Variants in TSPAN4 observed in about 807,000 individuals in gnomAD.
TSPAN4 encodes tetraspanin 4, also known as tetraspanin-4.
A neutral mutation model predicts 31.5 loss-of-function variants in TSPAN4; 38 were observed. The observed-to-expected ratio is 1.21, with a 90% CI of 0.93 to 1.58. The LOEUF (loss-of-function observed/expected upper bound fraction) is 1.58. TSPAN4 is among the 40% of genes most tolerant of loss of function. TSPAN4 has a pLI of 0.00. For missense variants in TSPAN4, 330 were observed against 317.3 expected, an observed-to-expected ratio of 1.04 and a Z score of -0.30; for synonymous variants, 186 against 144.6, an observed-to-expected ratio of 1.29 and a Z score of -2.06.
chr11:862,955 G>T, intron 4 of TSPAN4: 1 of 577,454 alleles, frequency 1.7e-6, no homozygotes, highest in Non-Finnish European at 3.0e-6. Flanking sequence ...GCGGTGTGGG[G>T]GTCACTCAAG....
In TSPAN4 at chr11:865,614, C is replaced by G. The variant is rs191138585; in HGVS notation, c.432C>G (p.Asp144Glu). 2 of 1,612,742 alleles carry G rather than the reference C, an allele frequency of 1.2e-6. No individual in the cohort carries two copies. Among genetic ancestry groups the G allele is most frequent in the Non-Finnish European group, 1.7e-6 (2 of 1,179,874 alleles). The change falls in exon 6 of 9, where the codon GAC becomes GAG. Residue 144 changes from aspartate (D) to glutamate (E), a missense_variant and splice_region_variant. Physicochemically the swap from Asp to Glu is conservative, Grantham distance 45 (BLOSUM62 2). Transcript: ENST00000397397. ...ACGCCTGGAGCATCATCCAGACCGACGTGAGGCGTGGGCAGGTGGGCGGGG... is the reference window on the plus strand; with the variant it reads ...ACGCCTGGAGCATCATCCAGACCGAGGTGAGGCGTGGGCAGGTGGGCGGGG... The part of the protein sequence containing the change: ...LTNAWSIIQT[D>E]FRCCGVSNYT...
intron 3 of TSPAN4, among the ~76,000 whole-genome samples, chr11:852,061 C>T (rs1322650887): frequency 6.6e-6 from 1 of 152,156 alleles, no homozygotes; most frequent in Non-Finnish European, 1.5e-5. Context: ...CCATCCTCAA[C>T]CTGGGAAAGA....
intron 4 of TSPAN4, chr11:863,677 C>G (rs1848602002): frequency 6.6e-6 from 1 of 152,480 alleles, no homozygotes. Context: ...GGACCAGAAC[C>G]CTGGGTACCT....
At position 852,866 on chromosome 11, in the gene TSPAN4, C is replaced by A. The variant is rs182952037; in HGVS notation, c.63+2499C>A. On this transcript the variant is annotated intron_variant, in intron 3 of 8. Transcript: ENST00000397397. ...GGTGGTGGGAGGGACGTCCCCCCGG[C>A]GGGACCTCAAGATCCCCGCGTGTGT... is the stretch of plus-strand genomic sequence containing the variant. Among the ~76,000 whole-genome samples, 981 of 150,042 alleles carry A rather than the reference C, an allele frequency of 6.5e-3. 9 individuals carry two copies. Among genetic ancestry groups the A allele is most frequent in the Non-Finnish European group, 9.9e-3 (667 of 67,478 alleles).
At chr11:855,137 C>T (rs772925305) in intron 3 of TSPAN4, among the ~76,000 whole-genome samples, 4 of 152,122 alleles carry the variant, frequency 2.6e-5, no homozygotes, top group African/African-American at 7.2e-5. Context: ...CCTGGCTCCA[C>T]GGGGCCTCTG....
chr11:865,848 G>C (rs776887781), intron 7 of TSPAN4, 23 bp downstream of exon 7: 23 of 1,612,302 alleles, frequency 1.4e-5, no homozygotes, highest in Admixed American at 1.0e-4. Context: ...CCCACCCTGG[G>C]GGCTGGTAGG....
At chr11:864,587 C>CGGTGTGGA in intron 5 of TSPAN4, 76 bp downstream of exon 5, 1 of 1,569,894 alleles carries the variant, frequency 6.4e-7, no homozygotes, top group East Asian at 2.2e-5. Context: ...ACTGTGGGCC[C>CGGTGTGGA]GGTGTGGACA....
At position 848,989 on chromosome 11, in the gene TSPAN4, C is replaced by T. The variant is rs773971004; in HGVS notation, c.-17-1299C>T. On this transcript the variant is annotated intron_variant, in intron 2 of 8. Coordinates refer to ENST00000397397, the MANE Select transcript of TSPAN4 (RefSeq NM_003271.5). The surrounding 1 kb of genome is among the most constrained non-coding windows in gnomAD (Gnocchi z 5.7). The stretch of plus-strand genomic sequence containing the variant: ...GGGTCTTTTACAGGCTGACTTCCAG[C>T]CTGGGCTGGAGCAAAATGAAATTCT... 13 of 629,370 alleles carry T rather than the reference C, an allele frequency of 2.1e-5. No individual in the cohort carries two copies. Among genetic ancestry groups the T allele is most frequent in the Non-Finnish European group, 3.5e-5 (12 of 342,558 alleles). The allele number at this position is 629,370 out of a possible 1,614,324, so 39.0% of individuals were successfully genotyped here. A position where few individuals can be genotyped will look rare whatever the true frequency, so the allele number is the denominator to read the frequency against.
chr11:843,499 C>T (rs1847094951), intron 1 of TSPAN4: 2 of 152,218 alleles, frequency 1.3e-5, no homozygotes, highest in African/African-American at 2.4e-5. Flanking sequence ...ACAGGGGATC[C>T]CTGGGCAGAC....
chr11:861,580 C>T (rs866765932), intron 3 of TSPAN4, among the ~76,000 whole-genome samples: 22 of 152,128 alleles, frequency 1.4e-4, no homozygotes, highest in Middle Eastern at 3.4e-3. Flanking sequence ...GGCGTGGTGG[C>T]GGGCGCCTGT....
chr11:864,185 G>A lies in TSPAN4; in HGVS notation c.256-252G>A, dbSNP rs1205042921. On this transcript the variant is annotated intron_variant, in intron 4 of 8. Transcript: ENST00000397397. Reference sequence around the variant, plus strand: ...GGTTGCCCCAGGGATGGGGGCAGGGGAGGGGAGCCCAGGCCAGCCCAGGGC... The same window carrying A: ...GGTTGCCCCAGGGATGGGGGCAGGGAAGGGGAGCCCAGGCCAGCCCAGGGC... The A allele has an allele frequency of 2.4e-5, 14 of 575,620 alleles. No individual in the cohort carries two copies. In the East Asian group the frequency reaches 3.4e-4, roughly 14 times the overall value. The allele number at this position is 575,620 out of a possible 1,614,324, so 35.7% of individuals were successfully genotyped here.
At chr11:862,424 TG>T in intron 3 of TSPAN4, 125 bp from the exon 4 acceptor site, 2 of 842,096 alleles carry the variant, frequency 2.4e-6, no homozygotes, top group Non-Finnish European at 3.6e-6. Context: ...AGCAGGACTC[TG>T]GGTGGTTCTG....
At chr11:845,485 C>T (rs1012876312) in intron 1 of TSPAN4, among the ~76,000 whole-genome samples, 1 of 152,126 alleles carries the variant, frequency 6.6e-6, no homozygotes, top group African/African-American at 2.4e-5. Context: ...ACTCATATGT[C>T]GGGGCTGGTG....
chr11:845,234 TG>T (rs1270733068), intron 1 of TSPAN4, among the ~76,000 whole-genome samples: 1 of 152,098 alleles, frequency 6.6e-6, no homozygotes, highest in Non-Finnish European at 1.5e-5. Flanking sequence ...TGCTGTGGGA[TG>T]GGGTGGGTGC....
chr11:849,609 A>G (rs1847511628), intron 2 of TSPAN4, among the ~76,000 whole-genome samples: 1 of 151,728 alleles, frequency 6.6e-6, no homozygotes, highest in Non-Finnish European at 1.5e-5. Flanking sequence ...CTTCGCGAGC[A>G]TCTTCCTCCC....
At chr11:850,409 G>C (rs183091317) in intron 3 of TSPAN4, 42 bp downstream of exon 3, 3 of 1,560,776 alleles carry the variant, frequency 1.9e-6, no homozygotes, top group Non-Finnish European at 2.6e-6. Flanking sequence ...AAAGACCCGG[G>C]GTCCCTCCCG....
At position 865,562 on chromosome 11, in the gene TSPAN4, G is replaced by A; in HGVS notation, c.380G>A (p.Gly127Asp). 6.2e-7 allele frequency: 1 copy of A among 1,612,640 alleles called. No individual in the cohort carries two copies. The highest frequency in any genetic ancestry group is 8.5e-7 in the Non-Finnish European group (1 of 1,179,874). Residue 127 changes from glycine to aspartate, a missense_variant, in exon 6 of 9, where the codon GGC (glycine) becomes GAC (aspartate). Transcript: ENST00000397397. ...QDLKKGLHLY[G>D]TQGNVGLTNA... ...CTGAAGAAAGGCTTGCACCTGTACG[G>A]CACGCAGGGCAACGTGGGCCTCACC... is the stretch of plus-strand genomic sequence containing the variant.
chr11:852,906 C>CCT (rs1554990364), intron 3 of TSPAN4, among the ~76,000 whole-genome samples: 9 of 152,198 alleles, frequency 5.9e-5, no homozygotes, highest in African/African-American at 9.6e-5. Context: ...CCTGACCCCC[C>CCT]GCTGCCGGAG....
Position 862,526 on chromosome 11 carries a change from G to C in TSPAN4, c.64-24G>C, listed in dbSNP as rs552154701. Reference sequence around the variant, plus strand: ...TGCATTGGGGCCTCACCCTGTCTGTGTCTCTCCTGTTGCTGTGCCCCAGCT... The same window carrying C: ...TGCATTGGGGCCTCACCCTGTCTGTCTCTCTCCTGTTGCTGTGCCCCAGCT... On this transcript the variant is annotated intron_variant, in intron 3 of 8. Coordinates refer to ENST00000397397, the MANE Select transcript of TSPAN4 (RefSeq NM_003271.5). 697 of 1,585,214 alleles carry C rather than the reference G, an allele frequency of 4.4e-4. 12 individuals are homozygous for C. In the South Asian group the frequency reaches 5.8e-3, roughly 13 times the overall value.
Sources: gnomAD v4.1 joint callset for allele counts (sites outside exome capture counted in the v4.1 genomes callset) on GRCh38, gnomAD v4.1.1 for gene constraint, Gnocchi (gnomAD v3.1) non-coding constraint, MANE v1.5 for transcripts, NCBI Gene and HGNC (gene_info 2026-07-23, HGNC 2026-07-21) for gene names.